DCP2: variants seen among roughly 807,000 people sequenced by gnomAD.
The protein encoded by DCP2 is decapping mRNA 2, also known as m7GpppN-mRNA hydrolase.
DCP2 carries 30 observed loss-of-function variants against 56.1 expected under a neutral mutation model. That is an observed-to-expected ratio of 0.53 (90% CI 0.40 to 0.73). The LOEUF (loss-of-function observed/expected upper bound fraction) is 0.73, where lower values mean the gene tolerates loss of function less well. Among genes scored for constraint, DCP2 ranks in the 30% least tolerant of loss-of-function variants. The pLI, the probability that DCP2 is intolerant of heterozygous loss-of-function variation, is 0.00. For synonymous variants in DCP2, 197 were observed against 163.3 expected, an observed-to-expected ratio of 1.21 and a Z score of -1.57; for missense variants, 533 against 502.7, an observed-to-expected ratio of 1.06 and a Z score of -0.58.
Position 113,016,928 on chromosome 5 carries a change from G to A in DCP2, c.*3444G>A, listed in dbSNP as rs1749912790. ...GCAATTTCGGCTCACCGCAACCTAC[G>A]CCTCCCGGGTTCAAGTGATTCTCCT... On this transcript the variant is annotated 3_prime_UTR_variant, in exon 11 of 11. Coordinates refer to ENST00000389063, the MANE Select transcript of DCP2 (RefSeq NM_152624.6). 1 of 141,282 alleles carries A rather than the reference G, an allele frequency of 7.1e-6. No individual in the cohort carries two copies. The highest frequency in any genetic ancestry group is 2.6e-5 in the African/African-American group (1 of 37,798). 8.8% of individuals were successfully genotyped at this position (141,282 alleles called of 1,614,324 possible). A position where few individuals can be genotyped will look rare whatever the true frequency, so the allele number is the denominator to read the frequency against.
intron 4 of DCP2, among the ~76,000 whole-genome samples, chr5:112,995,674 T>C (rs1483001304): frequency 1.3e-5 from 2 of 152,230 alleles, no homozygotes; most frequent in Non-Finnish European, 2.9e-5. Context: ...TGATGTCCTT[T>C]TATAGCTGAC....
chr5:113,001,564 C>G lies in DCP2; in HGVS notation c.699-3C>G, dbSNP rs1369270349. On this transcript the variant is annotated splice_region_variant and splice_polypyrimidine_tract_variant and intron_variant, in intron 6 of 10. Coordinates refer to ENST00000389063, the MANE Select transcript of DCP2 (RefSeq NM_152624.6). ...TGAAAGTGAATTCTTAATGTTTCTGCAGACCATTAAGGGACTGGCTTTCTC... is the reference window on the plus strand; with the variant it reads ...TGAAAGTGAATTCTTAATGTTTCTGGAGACCATTAAGGGACTGGCTTTCTC... 1.2e-6 allele frequency: 2 copies of G among 1,613,176 alleles called. No individual in the cohort carries two copies. Among genetic ancestry groups the G allele is most frequent in the Non-Finnish European group, 1.7e-6 (2 of 1,179,290 alleles).
At position 112,984,702 on chromosome 5, in the gene DCP2, AAATATAT is replaced by A. The variant is rs1330269811; in HGVS notation, c.54-1131_54-1125del. 4.7e-5 allele frequency: 5 copies of A among 107,224 alleles called. 1 individual carries two copies. Among genetic ancestry groups the A allele is most frequent in the African/African-American group, 2.1e-4 (5 of 24,264 alleles). The allele number at this position is 107,224 out of a possible 1,614,324, so 6.6% of individuals were successfully genotyped here. ...TTTCTTAATTAAAAAAAAAAAAAAAAAATATATATATATATATATATATTTGAGACAG... is the reference window on the plus strand; with the variant it reads ...TTTCTTAATTAAAAAAAAAAAAAAAAATATATATATATATATTTGAGACAG... On this transcript the variant is annotated intron_variant, in intron 1 of 10. Transcript: ENST00000389063.
intron 2 of DCP2, among the ~76,000 whole-genome samples, chr5:112,988,494 TA>T (rs368124032): frequency 0.015 from 1,200 of 82,412 alleles, 23 homozygotes; most frequent in East Asian, 0.11. Flanking sequence ...TGTGTCTTAA[TA>T]AAAAAAAAAA....
Position 113,003,963 on chromosome 5 carries a change from T to A in DCP2, c.828T>A (p.Ser276Arg), listed in dbSNP as rs776200136. ...GTAGTCGAACCAAATTCCGCCACAG[T>A]CAGCAGTTATTTCCTGACGGTTCTC... ...EKLSRTKFRH[S>R]QQLFPDGSPG... Residue 276 changes from serine to arginine, a missense_variant, in exon 8 of 11, where the codon AGT (serine) becomes AGA (arginine). Coordinates refer to ENST00000389063, the MANE Select transcript of DCP2 (RefSeq NM_152624.6). The A allele has an allele frequency of 6.2e-7, 1 of 1,614,170 alleles. No individual in the cohort carries two copies. Among genetic ancestry groups the A allele is most frequent in the South Asian group, 1.1e-5 (1 of 91,088 alleles).
chr5:112,977,132 C>A, intron 1 of DCP2, 146 bp downstream of exon 1: 1 of 556,762 alleles, frequency 1.8e-6, no homozygotes, highest in Non-Finnish European at 3.1e-6. Flanking sequence ...GTCGACCCTG[C>A]TCTCCGACGA....
intron 2 of DCP2, among the ~76,000 whole-genome samples, chr5:112,986,933 G>A (rs1331156619): frequency 6.6e-6 from 1 of 152,162 alleles, no homozygotes; most frequent in Non-Finnish European, 1.5e-5. Flanking sequence ...AGCCTGGGAG[G>A]TGCAGGTTAC....
chr5:113,005,575 C>G (rs976367254), intron 8 of DCP2, among the ~76,000 whole-genome samples: 1 of 152,190 alleles, frequency 6.6e-6, no homozygotes, highest in Non-Finnish European at 1.5e-5. Flanking sequence ...AATGGTGCAA[C>G]CGCTGTGGAA....
chr5:113,006,159 A>G (rs1017428365), intron 8 of DCP2, among the ~76,000 whole-genome samples: 2 of 151,874 alleles, frequency 1.3e-5, no homozygotes, highest in Non-Finnish European at 2.9e-5. Flanking sequence ...ATGCTACAAT[A>G]TGGGTAAACC....
intron 2 of DCP2, among the ~76,000 whole-genome samples, chr5:112,990,424 T>A (rs1748526128): frequency 6.6e-6 from 1 of 152,334 alleles, no homozygotes; most frequent in South Asian, 2.1e-4. Flanking sequence ...TGGCTGAAGT[T>A]CTGCTAGGGA....
At chr5:112,991,755 A>T (rs1307664248) in intron 2 of DCP2, among the ~76,000 whole-genome samples, 2 of 152,162 alleles carry the variant, frequency 1.3e-5, no homozygotes, top group Non-Finnish European at 2.9e-5. Flanking sequence ...TGGCATTATG[A>T]ATTTGACTCA....
At chr5:112,990,214 G>T (rs1748516858) in intron 2 of DCP2, among the ~76,000 whole-genome samples, 1 of 152,148 alleles carries the variant, frequency 6.6e-6, no homozygotes, top group Non-Finnish European at 1.5e-5. Flanking sequence ...ACTTTGATAA[G>T]AGCATACGTT....
chr5:112,985,677 C>T (rs1162267108), intron 1 of DCP2, among the ~76,000 whole-genome samples, 158 bp from the exon 2 acceptor site: 3 of 152,090 alleles, frequency 2.0e-5, no homozygotes, highest in African/African-American at 7.2e-5. Flanking sequence ...ACTCATCTTC[C>T]CTATAGTATT....
At chr5:112,999,069 CCTTA>C (rs1264881104) in intron 4 of DCP2, among the ~76,000 whole-genome samples, 1 of 152,168 alleles carries the variant, frequency 6.6e-6, no homozygotes, top group African/African-American at 2.4e-5. Flanking sequence ...TGAAACTCTT[CCTTA>C]CTTTTTCTTC....
intron 1 of DCP2, among the ~76,000 whole-genome samples, chr5:112,979,110 T>G (rs1249410376): frequency 6.9e-6 from 1 of 145,118 alleles, no homozygotes; most frequent in East Asian, 1.9e-4. Context: ...TAAAGATAGT[T>G]GGTTTTCCAG....
chr5:113,003,513 C>T (rs895700772), intron 7 of DCP2, among the ~76,000 whole-genome samples: 7 of 152,090 alleles, frequency 4.6e-5, no homozygotes, highest in African/African-American at 1.2e-4. Flanking sequence ...GAGGTTGAGG[C>T]CACGGTGAGC....
chr5:113,009,646 A>G (rs564717304), intron 9 of DCP2, among the ~76,000 whole-genome samples: 1 of 145,646 alleles, frequency 6.9e-6, no homozygotes, highest in Non-Finnish European at 1.5e-5. Context: ...GAAAACAAAT[A>G]TTGAAGAAGA....
rs989113503 is a variant in DCP2 at position 112,985,777 on chromosome 5, T to G, written c.54-58T>G. The G allele has an allele frequency of 1.9e-5, 30 of 1,569,986 alleles. No individual in the cohort carries two copies. In the Admixed American group the frequency reaches 3.0e-4, roughly 16 times the overall value. On this transcript the variant is annotated intron_variant, in intron 1 of 10. Transcript: ENST00000389063. The stretch of plus-strand genomic sequence containing the variant: ...TCAGGTATGAAGCACTTAAATAGCT[T>G]AAGATAAATCGTTATAGTTTGTAAA...
chr5:112,989,924 T>G (rs535351559), intron 2 of DCP2, among the ~76,000 whole-genome samples: 3 of 136,584 alleles, frequency 2.2e-5, no homozygotes, highest in African/African-American at 9.6e-5. Flanking sequence ...GAGGTAAGAT[T>G]GGTGATGATT....
Sources: allele counts gnomAD v4.1 joint callset (sites outside exome capture counted in the v4.1 genomes callset), GRCh38; gene constraint gnomAD v4.1.1; transcripts MANE v1.5; gene names NCBI Gene and HGNC (gene_info 2026-07-23, HGNC 2026-07-21).